Variants in IBTK observed in about 807,000 individuals in gnomAD.
IBTK encodes the protein BTK-binding protein.
In IBTK, 83 loss-of-function variants were observed where a neutral mutation model predicts 154.9. The ratio of observed to expected loss-of-function variants is 0.54; its 90% CI spans 0.45 to 0.64. The LOEUF (loss-of-function observed/expected upper bound fraction) is 0.64. IBTK is among the 30% of genes least tolerant of loss of function. IBTK has a pLI of 0.00. For missense variants in IBTK, 1,332 were observed against 1,584.6 expected (o/e 0.84, Z 2.71); for synonymous variants, 515 against 536.1 (o/e 0.96, Z 0.54).
chr6:82,175,860 T>C (rs1768092486), intron 26 of IBTK, among the ~76,000 whole-genome samples: 1 of 151,736 alleles, frequency 6.6e-6, no homozygotes, highest in Admixed American at 6.6e-5. Context: ...AGAAATCCCA[T>C]CTCTACTAAA....
chr6:82,221,195 GC>G (rs1156625151), intron 8 of IBTK, among the ~76,000 whole-genome samples: 1 of 152,010 alleles, frequency 6.6e-6, no homozygotes, highest in Non-Finnish European at 1.5e-5. Context: ...ATGGTGATGC[GC>G]CCCTGTAGTC....
chr6:82,177,380 TTTATTTATTTAC>T (rs1768160257), intron 26 of IBTK, among the ~76,000 whole-genome samples: 1 of 151,936 alleles, frequency 6.6e-6, no homozygotes, highest in African/African-American at 2.4e-5. Context: ...GGCTAGCTTA[TTTATTTATTTAC>T]TTATTTATTT....
intron 2 of IBTK, among the ~76,000 whole-genome samples, chr6:82,237,883 G>A (rs979335813): frequency 6.6e-6 from 1 of 151,998 alleles, no homozygotes; most frequent in African/African-American, 2.4e-5. Flanking sequence ...GTTCCTTAAG[G>A]ACCAGAACTG....
At chr6:82,190,674 G>A (rs969120791) in intron 25 of IBTK, among the ~76,000 whole-genome samples, 12 of 151,890 alleles carry the variant, frequency 7.9e-5, no homozygotes, top group African/African-American at 2.4e-4. Flanking sequence ...AGAAATTAGC[G>A]TAGTATAAAT....
chr6:82,176,086 A>G (rs1026853334), intron 26 of IBTK, among the ~76,000 whole-genome samples: 5 of 152,184 alleles, frequency 3.3e-5, no homozygotes, highest in South Asian at 2.1e-4. Flanking sequence ...TCACATTTAC[A>G]CTTTAAAGGA....
chr6:82,230,082 A>AGG (rs1272370718), intron 4 of IBTK, among the ~76,000 whole-genome samples: 1 of 152,248 alleles, frequency 6.6e-6, no homozygotes. Flanking sequence ...ATCATAAACC[A>AGG]GAACTGTCCT....
Position 82,220,579 on chromosome 6 carries a change from C to A in IBTK, c.1248+11G>T. 1 of 1,595,436 alleles carries A rather than the reference C, an allele frequency of 6.3e-7. No homozygotes were observed. Among genetic ancestry groups the A allele is most frequent in the Non-Finnish European group, 8.5e-7 (1 of 1,174,310 alleles). ...GAGTAAGATTACACTTTTACATAAACATGTACTTACCCTTCCAGCTCCATC... is the reference window on the plus strand; with the variant it reads ...GAGTAAGATTACACTTTTACATAAAAATGTACTTACCCTTCCAGCTCCATC... On this transcript the variant is annotated intron_variant, in intron 9 of 28. Coordinates refer to ENST00000306270, the MANE Select transcript of IBTK (RefSeq NM_015525.4).
chr6:82,187,337 GGATA>G (rs1256393392), intron 25 of IBTK, among the ~76,000 whole-genome samples: 2 of 152,004 alleles, frequency 1.3e-5, no homozygotes, highest in Non-Finnish European at 2.9e-5. Context: ...CTTAAAATTT[GGATA>G]GATAGTCCCT....
In IBTK at chr6:82,171,382, C is replaced by A. The variant is rs1456181941; in HGVS notation, c.*43G>T. On this transcript the variant is annotated 3_prime_UTR_variant, in exon 29 of 29. Coordinates refer to ENST00000306270, the MANE Select transcript of IBTK (RefSeq NM_015525.4). ...TTTCCACAGCTTTTCTTTATATGAA[C>A]AAACTCATAATTATGTAAAATGCAT... is the stretch of plus-strand genomic sequence containing the variant. The A allele has an allele frequency of 1.3e-6, 2 of 1,551,882 alleles. No homozygotes were observed. Among genetic ancestry groups the A allele is most frequent in the African/African-American group, 1.4e-5 (1 of 72,660 alleles).
chr6:82,239,898 T>C (rs1770876664), intron 2 of IBTK, among the ~76,000 whole-genome samples: 1 of 152,200 alleles, frequency 6.6e-6, no homozygotes, highest in Non-Finnish European at 1.5e-5. Flanking sequence ...TAGTTCAAAA[T>C]ATTATGAGAT....
At chr6:82,177,097 C>T (rs2127797220) in intron 26 of IBTK, among the ~76,000 whole-genome samples, 1 of 152,274 alleles carries the variant, frequency 6.6e-6, no homozygotes, top group South Asian at 2.1e-4. Flanking sequence ...CTGACAACAC[C>T]AGCCCATGCT....
At chr6:82,221,100 G>A (rs2127819230) in intron 8 of IBTK, among the ~76,000 whole-genome samples, 1 of 152,296 alleles carries the variant, frequency 6.6e-6, no homozygotes, top group East Asian at 1.9e-4. Flanking sequence ...GCCAAGGCCG[G>A]TGGATCATTT....
At position 82,247,687 on chromosome 6, in the gene IBTK, G is replaced by A. The variant is rs1299010880; in HGVS notation, c.-483C>T. On this transcript the variant is annotated 5_prime_UTR_variant, in exon 1 of 29. Coordinates refer to ENST00000306270, the MANE Select transcript of IBTK (RefSeq NM_015525.4). Reference sequence around the variant, plus strand: ...CCAGAGGGGCCAGTCCCCAGACCCGGGTCAGTTCGGCAGGCGGCTGCAATA... The same window carrying A: ...CCAGAGGGGCCAGTCCCCAGACCCGAGTCAGTTCGGCAGGCGGCTGCAATA... 9 of 398,748 alleles carry A rather than the reference G, an allele frequency of 2.3e-5. No homozygotes were observed. Among genetic ancestry groups the A allele is most frequent in the Non-Finnish European group, 3.5e-5 (8 of 226,274 alleles). 24.7% of individuals were successfully genotyped at this position (398,748 alleles called of 1,614,324 possible).
chr6:82,183,636 T>A (rs1487693979), intron 25 of IBTK, among the ~76,000 whole-genome samples: 2 of 152,080 alleles, frequency 1.3e-5, no homozygotes, highest in Non-Finnish European at 2.9e-5. Context: ...AAAATTTACA[T>A]GAGAATAAAA....
intron 16 of IBTK, among the ~76,000 whole-genome samples, chr6:82,206,655 A>T (rs1769423765): frequency 6.6e-6 from 1 of 152,164 alleles, no homozygotes; most frequent in African/African-American, 2.4e-5. Flanking sequence ...CAGGAAAACT[A>T]AACCAATATC....
At chr6:82,194,749 C>A (rs1237713838) in intron 22 of IBTK, 107 bp from the exon 23 acceptor site, 10 of 759,046 alleles carry the variant, frequency 1.3e-5, no homozygotes, top group Non-Finnish European at 1.8e-5. Flanking sequence ...AGAATAAAAT[C>A]TTATGACAAT....
intron 1 of IBTK, among the ~76,000 whole-genome samples, chr6:82,244,516 C>A (rs1182110439): frequency 6.6e-6 from 1 of 152,118 alleles, no homozygotes; most frequent in Non-Finnish European, 1.5e-5. Context: ...TATCGCTTCC[C>A]CTGTCCTTCA....
intron 12 of IBTK, among the ~76,000 whole-genome samples, chr6:82,213,987 G>A (rs1281827322): frequency 6.6e-6 from 1 of 151,620 alleles, no homozygotes. Flanking sequence ...ACACAGTCTC[G>A]CTCTGTCGCC....
chr6:82,193,471 C>T (rs1401905691), intron 23 of IBTK, among the ~76,000 whole-genome samples: 1 of 151,796 alleles, frequency 6.6e-6, no homozygotes, highest in Non-Finnish European at 1.5e-5. Context: ...AAGTTTAAAC[C>T]ATGAAGCACA....
Sources: allele counts gnomAD v4.1 joint callset (sites outside exome capture counted in the v4.1 genomes callset), GRCh38; gene constraint gnomAD v4.1.1; transcripts MANE v1.5; gene names NCBI Gene and HGNC (gene_info 2026-07-23, HGNC 2026-07-21).